The following TXNRD2 variants were observed in gnomAD, a reference collection of about 807,000 sequenced individuals.
TXNRD2 encodes the protein thioredoxin reductase 2, mitochondrial.
Under a neutral mutation model 70.8 loss-of-function variants are expected in TXNRD2, and 67 were observed. The ratio of observed to expected loss-of-function variants is 0.95; its 90% CI spans 0.78 to 1.16. TXNRD2 has a LOEUF of 1.16. Among genes scored for constraint, TXNRD2 ranks in the 50% most tolerant of loss-of-function variants. The pLI is 0.00. For synonymous variants in TXNRD2, 301 were observed against 295.8 expected, an observed-to-expected ratio of 1.02 and a Z score of -0.18; for missense variants, 644 against 719.9, an observed-to-expected ratio of 0.89 and a Z score of 1.21.
At chr22:19,885,412 G>A (rs73148965) in intron 11 of TXNRD2, among the ~76,000 whole-genome samples, 17,330 of 152,266 alleles carry the variant, frequency 0.11, 1,215 homozygotes, top group Middle Eastern at 0.17. Flanking sequence ...CTGCTGTCCC[G>A]GGGCAGGAGT....
At chr22:19,929,735 G>C (rs1271034072) in intron 2 of TXNRD2, among the ~76,000 whole-genome samples, 1 of 152,106 alleles carries the variant, frequency 6.6e-6, no homozygotes, top group Non-Finnish European at 1.5e-5. Context: ...TGTTTATTAC[G>C]GCAGCCCTGG....
chr22:19,927,575 A>C (rs1941194273), intron 2 of TXNRD2, among the ~76,000 whole-genome samples: 2 of 149,764 alleles, frequency 1.3e-5, no homozygotes, highest in East Asian at 3.9e-4. Context: ...AATCGCTTGA[A>C]CCCGGGAGGT....
intron 1 of TXNRD2, among the ~76,000 whole-genome samples, chr22:19,937,183 G>A (rs775018634): frequency 2.6e-5 from 4 of 152,132 alleles, no homozygotes; most frequent in East Asian, 1.9e-4. Flanking sequence ...CAGCTAAATC[G>A]GGCTGATGGC....
rs1601501125 is a variant in TXNRD2 at position 19,941,798 on chromosome 22, C to A, written c.6G>T (p.Ala2=). The change falls in exon 1 of 18, where the codon GCG becomes GCT. Residue 2 remains alanine, a synonymous_variant. Coordinates refer to ENST00000400521, the MANE Select transcript of TXNRD2 (RefSeq NM_006440.5). The part of the protein sequence containing the change: M[A]AMAVALRGLG... ...ATCCCCGCAGCGCCACCGCCATTGC[C>A]GCCATCGTCGTGGGGCTTCTGGGGC... is the stretch of plus-strand genomic sequence containing the variant. 6.5e-7 allele frequency: 1 copy of A among 1,535,126 alleles called. No homozygotes were observed. The highest frequency in any genetic ancestry group is 2.2e-4 in the Middle Eastern group (1 of 4,486).
chr22:19,915,390 C>T (rs574055147), intron 6 of TXNRD2, 114 bp from the exon 7 acceptor site: 195 of 1,099,582 alleles, frequency 1.8e-4, no homozygotes, highest in African/African-American at 8.5e-4. Context: ...TGCCCTGTAG[C>T]GTGGACCCTT....
intron 12 of TXNRD2, 81 bp from the exon 13 acceptor site, chr22:19,880,798 C>A: frequency 1.1e-6 from 1 of 946,246 alleles, no homozygotes; most frequent in Non-Finnish European, 1.7e-6. Flanking sequence ...CTTTGCCCTC[C>A]GAGTGGGCAT....
At chr22:19,884,633 T>C (rs1411670116) in intron 11 of TXNRD2, 1 of 152,224 alleles carries the variant, frequency 6.6e-6, no homozygotes, top group African/African-American at 2.4e-5. Flanking sequence ...AGGGGCCTCC[T>C]TCAAGGGACA....
chr22:19,897,118 G>A (rs940905394), intron 10 of TXNRD2, among the ~76,000 whole-genome samples: 15 of 152,200 alleles, frequency 9.9e-5, no homozygotes, highest in African/African-American at 3.6e-4. Context: ...GGGCTCGGTG[G>A]GTTTGCACTG....
intron 17 of TXNRD2, chr22:19,876,081 T>G (rs969030378): frequency 6.6e-6 from 1 of 152,286 alleles, no homozygotes; most frequent in African/African-American, 2.4e-5. Flanking sequence ...GCCCTTTGTT[T>G]ATCCCTATCG....
At chr22:19,931,611 C>T (rs1941362240) in intron 1 of TXNRD2, among the ~76,000 whole-genome samples, 1 of 152,126 alleles carries the variant, frequency 6.6e-6, no homozygotes, top group South Asian at 2.1e-4. Context: ...TCAAGTGATC[C>T]TCTAGCCTCA....
At chr22:19,936,703 C>T (rs1396342972) in intron 1 of TXNRD2, among the ~76,000 whole-genome samples, 1 of 152,168 alleles carries the variant, frequency 6.6e-6, no homozygotes, top group Admixed American at 6.5e-5. Context: ...CAGTAATCAC[C>T]AGTATGCTTC....
intron 11 of TXNRD2, among the ~76,000 whole-genome samples, chr22:19,886,192 C>CA (rs1267353573): frequency 1.3e-5 from 2 of 152,226 alleles, no homozygotes; most frequent in Non-Finnish European, 2.9e-5. Context: ...GCCGAGGGCA[C>CA]AGTGGGGTTA....
At position 19,892,105 on chromosome 22, in the gene TXNRD2, G is replaced by A. The variant is rs773533499; in HGVS notation, c.949+3302C>T. ...CTGTCGGAGCCCAGCTTGTGCGGAC[G>A]TAGTGCACACCCGGTACAGGAAGCA... is the stretch of plus-strand genomic sequence containing the variant. On this transcript the variant is annotated intron_variant, in intron 11 of 17. Transcript: ENST00000400521. Among the ~76,000 whole-genome samples, 5 of 152,262 alleles carry A rather than the reference G, an allele frequency of 3.3e-5. No homozygotes were observed. The East Asian group carries it at 5.8e-4, about 18-fold the overall frequency.
intron 8 of TXNRD2, among the ~76,000 whole-genome samples, chr22:19,909,588 C>CCCTTCA (rs1940238796): frequency 1.1e-5 from 1 of 93,662 alleles, no homozygotes; most frequent in Non-Finnish European, 2.2e-5. Context: ...CACACACACA[C>CCCTTCA]CACACACACC....
chr22:19,923,847 T>C (rs1305163136), intron 2 of TXNRD2, among the ~76,000 whole-genome samples: 19 of 48,024 alleles, frequency 4.0e-4, no homozygotes, highest in Non-Finnish European at 3.0e-4. Context: ...CCTGAGGCTT[T>C]TTTTTTTTTT....
intron 1 of TXNRD2, among the ~76,000 whole-genome samples, chr22:19,932,142 CAG>C (rs1421169010): frequency 7.8e-6 from 1 of 127,736 alleles, no homozygotes; most frequent in Admixed American, 9.5e-5. Flanking sequence ...GCCTGGGAGA[CAG>C]AGTGAGACTC....
chr22:19,886,179 G>A (rs1347453648), intron 11 of TXNRD2, among the ~76,000 whole-genome samples: 2 of 152,244 alleles, frequency 1.3e-5, no homozygotes, highest in Non-Finnish European at 2.9e-5. Context: ...CCTGAGGAGG[G>A]CAGCCGAGGG....
intron 5 of TXNRD2, among the ~76,000 whole-genome samples, chr22:19,917,065 C>T (rs1004667152): frequency 2.6e-5 from 4 of 152,218 alleles, no homozygotes; most frequent in African/African-American, 9.6e-5. Flanking sequence ...TCAATCACCT[C>T]GACAGCCAGG....
intron 1 of TXNRD2, among the ~76,000 whole-genome samples, chr22:19,936,464 A>G (rs1458800066): frequency 6.6e-6 from 1 of 152,170 alleles, no homozygotes; most frequent in Non-Finnish European, 1.5e-5. Context: ...GCCCAGGACC[A>G]TATCTATGCT....
Sources: gnomAD v4.1 joint callset for allele counts (sites outside exome capture counted in the v4.1 genomes callset) on GRCh38, gnomAD v4.1.1 for gene constraint, MANE v1.5 for transcripts, NCBI Gene and HGNC (gene_info 2026-07-23, HGNC 2026-07-21) for gene names.